HMGCS1: variants seen among roughly 807,000 people sequenced by gnomAD.
The protein encoded by HMGCS1 is hydroxymethylglutaryl-CoA synthase, cytoplasmic.
Under a neutral mutation model 52.3 loss-of-function variants are expected in HMGCS1, and 9 were observed. That is an observed-to-expected ratio of 0.17 (90% CI 0.10 to 0.30). The LOEUF is 0.30. Among genes scored for constraint, HMGCS1 ranks in the 10% least tolerant of loss-of-function variants. The pLI, the probability that HMGCS1 is intolerant of heterozygous loss-of-function variation, is 1.00. For missense variants in HMGCS1, 320 were observed against 620.9 expected (o/e 0.52, Z 5.15); for synonymous variants, 176 against 214.4 (o/e 0.82, Z 1.57).
chr5:43,291,883 C>A (rs1393676964), intron 10 of HMGCS1, among the ~76,000 whole-genome samples: 1 of 151,946 alleles, frequency 6.6e-6, no homozygotes, highest in Admixed American at 6.6e-5. Flanking sequence ...TGTCCCTCTA[C>A]TCCATCTCTC....
At chr5:43,292,781 T>C (rs1753842439) in intron 9 of HMGCS1, 67 bp downstream of exon 9, 1 of 1,545,908 alleles carries the variant, frequency 6.5e-7, no homozygotes, top group Non-Finnish European at 8.9e-7. Flanking sequence ...CCTTATCGTA[T>C]ATGTAGCATC....
At chr5:43,293,558 A>ATTT (rs34148210) in intron 8 of HMGCS1, among the ~76,000 whole-genome samples, 5 of 142,066 alleles carry the variant, frequency 3.5e-5, no homozygotes, top group African/African-American at 1.3e-4. Context: ...ATAAGGTAGA[A>ATTT]TTTTTTTTTT....
Position 43,292,581 on chromosome 5 carries a change from C to G in HMGCS1, c.1366G>C (p.Val456Leu). 1 of 1,613,902 alleles carries G rather than the reference C, an allele frequency of 6.2e-7. No individual in the cohort carries two copies. The highest frequency in any genetic ancestry group is 8.5e-7 in the Non-Finnish European group (1 of 1,179,820). Residue 456 changes from valine to leucine, a missense_variant, in exon 10 of 11, where the codon GTT becomes CTT. This residue lies in a region of HMGCS1 where 213 missense variants were observed against 337.4 expected (regional missense o/e 0.63). Coordinates refer to ENST00000325110, the MANE Select transcript of HMGCS1 (RefSeq NM_001098272.3). The stretch of plus-strand genomic sequence containing the variant: ...CTTCTGTGCTTTTCATCCACCCTAA[C>G]TAAGTACCACGTTCCTTCAAAGAGT... ...DSLFEGTWYL[V>L]RVDEKHRRTY...
chr5:43,298,210 AT>A lies in HMGCS1; in HGVS notation c.449-77del. On this transcript the variant is annotated intron_variant, in intron 3 of 10. Transcript: ENST00000325110. The surrounding 1 kb of genome is among the most constrained non-coding windows in gnomAD (Gnocchi z 5.6). ...AAACATGGAAACTGAAGTCTGTTAT[AT>A]TTTCCCCAGAATATGCTTTTCCCTT... is the stretch of plus-strand genomic sequence containing the variant. 7.7e-7 allele frequency: 1 copy of A among 1,293,940 alleles called. No individual in the cohort carries two copies. The highest frequency in any genetic ancestry group is 1.1e-6 in the Non-Finnish European group (1 of 928,574). The allele number at this position is 1,293,940 out of a possible 1,614,324, so 80.2% of individuals were successfully genotyped here.
rs754007742 is a variant in HMGCS1, at chr5:43,294,101, C to A, written c.1138G>T (p.Ala380Ser). 2 of 1,612,842 alleles carry A rather than the reference C, an allele frequency of 1.2e-6. No individual in the cohort carries two copies. Among genetic ancestry groups the A allele is most frequent in the African/African-American group, 1.3e-5 (1 of 74,864 alleles). Reference sequence around the variant, plus strand: ...ACTTTAAGAGAGTACAGAGTGGCAGCCAAACCAGAACCATAAGAAAACACT... The same window carrying A: ...ACTTTAAGAGAGTACAGAGTGGCAGACAAACCAGAACCATAAGAAAACACT... ...IGVFSYGSGL[A>S]ATLYSLKVTQ... The change falls in exon 8 of 11, where the codon GCT becomes TCT. Residue 380 changes from alanine to serine, a missense_variant. Ala to Ser is a moderately conservative substitution (Grantham distance 99). Around this residue, in one of 3 missense-constraint regions of HMGCS1, gnomAD observed 213 missense variants for 337.4 expected, o/e 0.63. Coordinates refer to ENST00000325110, the MANE Select transcript of HMGCS1 (RefSeq NM_001098272.3).
intron 1 of HMGCS1, among the ~76,000 whole-genome samples, chr5:43,311,583 A>G (rs1450199140): frequency 6.6e-6 from 1 of 152,180 alleles, no homozygotes; most frequent in Non-Finnish European, 1.5e-5. Context: ...GGAAGATCCA[A>G]CCAGGTTTTA....
At position 43,298,134 on chromosome 5, in the gene HMGCS1, C is replaced by G; in HGVS notation, c.449G>C (p.Gly150Ala). The part of the protein sequence containing the change: ...VNWIESSSWD[G>A]RYALVVAGDI... ...TCCTGCAACTACCAGGGCATACCGT[C>G]CTGAAAAATATTTTTTGTTATTTCA... is the stretch of plus-strand genomic sequence containing the variant. Residue 150 changes from glycine (G) to alanine (A), a missense_variant and splice_region_variant, in exon 4 of 11, where the codon GGA becomes GCA. Coordinates refer to ENST00000325110, the MANE Select transcript of HMGCS1 (RefSeq NM_001098272.3). The surrounding 1 kb of genome is among the most constrained non-coding windows in gnomAD (Gnocchi z 5.6). The G allele has an allele frequency of 6.3e-7, 1 of 1,599,986 alleles. No individual in the cohort carries two copies. Among genetic ancestry groups the G allele is most frequent in the Non-Finnish European group, 8.5e-7 (1 of 1,175,978 alleles).
intron 1 of HMGCS1, among the ~76,000 whole-genome samples, chr5:43,311,599 T>C (rs1179079621): frequency 6.6e-6 from 1 of 152,194 alleles, no homozygotes; most frequent in East Asian, 1.9e-4. Context: ...TTTTAAATGA[T>C]TCTAGAGGAC....
chr5:43,296,966 C>G, intron 5 of HMGCS1, 36 bp downstream of exon 5: 4 of 1,597,038 alleles, frequency 2.5e-6, no homozygotes, highest in Non-Finnish European at 3.4e-6. Context: ...CTGCTCTCAA[C>G]TCATACCAAA....
Position 43,295,929 on chromosome 5 carries a change from G to T in HMGCS1, c.740-12C>A. On this transcript the variant is annotated splice_polypyrimidine_tract_variant and intron_variant, in intron 5 of 10. Transcript: ENST00000325110. ...TTTATCATTTCCCTCTGAAAGAGAA[G>T]TCCAAGGAAACTATGAAATTCATAT... The T allele has an allele frequency of 6.3e-7, 1 of 1,598,378 alleles. No homozygotes were observed. Among genetic ancestry groups the T allele is most frequent in the Non-Finnish European group, 8.6e-7 (1 of 1,169,552 alleles).
intron 2 of HMGCS1, among the ~76,000 whole-genome samples, chr5:43,303,356 A>G (rs1400250401): frequency 6.6e-6 from 1 of 152,232 alleles, no homozygotes; most frequent in African/African-American, 2.4e-5. Context: ...GTGCTCTTAT[A>G]AGAAGATAAA....
At chr5:43,309,875 A>G (rs1171437656) in intron 1 of HMGCS1, among the ~76,000 whole-genome samples, 1 of 152,300 alleles carries the variant, frequency 6.6e-6, no homozygotes. Flanking sequence ...CACAAGAATG[A>G]TAAGACTGCC....
intron 2 of HMGCS1, among the ~76,000 whole-genome samples, chr5:43,303,505 T>C (rs913010192): frequency 6.6e-6 from 1 of 152,240 alleles, no homozygotes; most frequent in Non-Finnish European, 1.5e-5. Flanking sequence ...CATAAATGTC[T>C]GCTGTTTAAA....
At chr5:43,291,708 T>C (rs574547310) in intron 10 of HMGCS1, among the ~76,000 whole-genome samples, 34 of 152,304 alleles carry the variant, frequency 2.2e-4, no homozygotes, top group African/African-American at 7.5e-4. Flanking sequence ...GGGAGGACAG[T>C]ATCATTTATA....
At chr5:43,312,224 G>A (rs1453321623) in intron 1 of HMGCS1, among the ~76,000 whole-genome samples, 4 of 152,160 alleles carry the variant, frequency 2.6e-5, no homozygotes, top group Admixed American at 6.6e-5. Context: ...TAATTTTGTT[G>A]TTTATCTTGT....
intron 5 of HMGCS1, 69 bp downstream of exon 5, chr5:43,296,933 C>T (rs950179364): frequency 1.6e-6 from 2 of 1,216,842 alleles, no homozygotes; most frequent in African/African-American, 3.1e-5. Flanking sequence ...TAGTTGCCTA[C>T]CAAAGATACC....
At chr5:43,299,831 A>C (rs906480551) in intron 2 of HMGCS1, among the ~76,000 whole-genome samples, 3 of 152,188 alleles carry the variant, frequency 2.0e-5, no homozygotes, top group Non-Finnish European at 2.9e-5. Context: ...AACTTACCAG[A>C]GCTTCAGCTT....
chr5:43,302,191 G>A (rs1754352884), intron 2 of HMGCS1, among the ~76,000 whole-genome samples: 1 of 152,178 alleles, frequency 6.6e-6, no homozygotes, highest in Non-Finnish European at 1.5e-5. Context: ...TTTCATGTAT[G>A]CAGTTTATAC....
At chr5:43,310,492 T>G (rs753240933) in intron 1 of HMGCS1, among the ~76,000 whole-genome samples, 1 of 152,204 alleles carries the variant, frequency 6.6e-6, no homozygotes, top group Non-Finnish European at 1.5e-5. Context: ...TGAAATCCCT[T>G]TGAGACCTTG....
Sources: gnomAD v4.1 joint callset for allele counts (sites outside exome capture counted in the v4.1 genomes callset) on GRCh38, gnomAD v4.1.1 for gene constraint, gnomAD v4.1.1 regional missense constraint, Gnocchi (gnomAD v3.1) non-coding constraint, MANE v1.5 for transcripts, NCBI Gene and HGNC (gene_info 2026-07-23, HGNC 2026-07-21) for gene names.